VIT: variants seen among roughly 807,000 people sequenced by gnomAD.
The protein encoded by VIT is vitrin.
Under a neutral mutation model 78.0 loss-of-function variants are expected in VIT, and 99 were observed. That is an observed-to-expected ratio of 1.27 (90% CI 1.08 to 1.50). The LOEUF (loss-of-function observed/expected upper bound fraction) is 1.50. Ranked by LOEUF, VIT falls within the 40% of genes most tolerant of loss-of-function variation. The probability of loss-of-function intolerance (pLI) is 0.00; values close to 1 mark genes in which losing one functional copy is unlikely to be tolerated. For synonymous variants in VIT, 374 were observed against 334.3 expected (o/e 1.12, Z -1.29); for missense variants, 1,126 against 875.3 (o/e 1.29, Z -3.61).
Position 36,696,893 on chromosome 2 carries a change from G to T in VIT, c.-99G>T, listed in dbSNP as rs562812758. 5.9e-4 allele frequency: 89 copies of T among 152,042 alleles called. No individual in the cohort carries two copies. The highest frequency in any genetic ancestry group is 1.2e-3 in the Non-Finnish European group (80 of 68,010). 9.4% of individuals were successfully genotyped at this position (152,042 alleles called of 1,614,324 possible). Reference sequence around the variant, plus strand: ...GAATAATTTGGATGGGATTTGTGATGCAGGAAAGCCTAAGGGAAAAAGAAT... The same window carrying T: ...GAATAATTTGGATGGGATTTGTGATTCAGGAAAGCCTAAGGGAAAAAGAAT... On this transcript the variant is annotated 5_prime_UTR_variant, in exon 1 of 16. The change abolishes an upstream ATG in the 5' untranslated region. Coordinates refer to ENST00000379242, the MANE Select transcript of VIT (RefSeq NM_053276.4).
chr2:36,804,749 G>A (rs1666581869), intron 13 of VIT, among the ~76,000 whole-genome samples: 1 of 151,906 alleles, frequency 6.6e-6, no homozygotes, highest in South Asian at 2.1e-4. Context: ...AGAATCACTT[G>A]AACCTGGGAG....
rs115045752 is a variant in VIT, at chr2:36,794,520, C to T, written c.1059-6781C>T. On this transcript the variant is annotated intron_variant, in intron 12 of 15. Transcript: ENST00000379242. ...GACACATATACGCTGGTCCTGAGAC[C>T]TGCCACGGACTGCAGATTCATGATT... Among the ~76,000 whole-genome samples, 1,041 of 152,242 alleles carry T rather than the reference C, an allele frequency of 6.8e-3. 16 individuals are homozygous for T. Among genetic ancestry groups the T allele is most frequent in the African/African-American group, 0.024 (1,005 of 41,534 alleles).
rs148299297 is a variant in VIT, at chr2:36,710,084, C to T, written c.-18-6269C>T. Among the ~76,000 whole-genome samples the T allele has an allele frequency of 1.5e-3, 231 of 152,300 alleles. 1 individual carries two copies. The highest frequency in any genetic ancestry group is 4.8e-3 in the African/African-American group (199 of 41,572). On this transcript the variant is annotated intron_variant, in intron 1 of 15. Coordinates refer to ENST00000379242, the MANE Select transcript of VIT (RefSeq NM_053276.4). The stretch of plus-strand genomic sequence containing the variant: ...TATGTTAAGTCTTCCTAACAGACCA[C>T]ATATAATGAAGCTCTGCAGACTCTA...
intron 3 of VIT, among the ~76,000 whole-genome samples, chr2:36,739,821 G>A (rs1256126739): frequency 6.6e-6 from 1 of 152,162 alleles, no homozygotes; most frequent in East Asian, 1.9e-4. Context: ...CCACTCAAGA[G>A]GTCTGGGCTC....
intron 1 of VIT, among the ~76,000 whole-genome samples, chr2:36,699,490 A>G (rs960394527): frequency 3.4e-5 from 5 of 149,242 alleles, no homozygotes; most frequent in African/African-American, 1.2e-4. Context: ...ACATAATTAT[A>G]TTCTTCACAA....
chr2:36,704,871 A>C (rs548371516), intron 1 of VIT, among the ~76,000 whole-genome samples: 8 of 152,228 alleles, frequency 5.3e-5, no homozygotes, highest in African/African-American at 1.9e-4. Flanking sequence ...TCTCAGCTGG[A>C]AAGTTTTGCC....
At chr2:36,733,492 G>A (rs1016762527) in intron 3 of VIT, among the ~76,000 whole-genome samples, 2 of 152,206 alleles carry the variant, frequency 1.3e-5, no homozygotes, top group South Asian at 2.1e-4. Context: ...GTTAAGGAAG[G>A]TTGTGTTAGG....
At chr2:36,810,353 T>C (rs1372452365) in intron 15 of VIT, among the ~76,000 whole-genome samples, 1 of 152,254 alleles carries the variant, frequency 6.6e-6, no homozygotes, top group Non-Finnish European at 1.5e-5. Flanking sequence ...GGCAACAAAA[T>C]TTTAAAATAT....
intron 6 of VIT, among the ~76,000 whole-genome samples, chr2:36,765,644 A>G (rs1364992848): frequency 6.6e-6 from 1 of 152,150 alleles, no homozygotes; most frequent in East Asian, 1.9e-4. Flanking sequence ...AGGTCATATG[A>G]CGACGGAGCA....
chr2:36,798,691 A>G (rs1331507284), intron 12 of VIT, among the ~76,000 whole-genome samples: 1 of 152,206 alleles, frequency 6.6e-6, no homozygotes, highest in Admixed American at 6.5e-5. Context: ...CCCTGGAGGC[A>G]GAGGTTGCAG....
chr2:36,715,422 A>G (rs1405928634), intron 1 of VIT, among the ~76,000 whole-genome samples: 1 of 151,998 alleles, frequency 6.6e-6, no homozygotes, highest in Non-Finnish European at 1.5e-5. Context: ...CTGTAATCCC[A>G]GCTACTTGGG....
At chr2:36,777,529 A>C (rs1670147737) in intron 9 of VIT, among the ~76,000 whole-genome samples, 1 of 152,096 alleles carries the variant, frequency 6.6e-6, no homozygotes, top group African/African-American at 2.4e-5. Context: ...TCTAGTCCTC[A>C]ATACTCTGCT....
At chr2:36,715,838 G>A (rs1374432370) in intron 1 of VIT, among the ~76,000 whole-genome samples, 2 of 152,108 alleles carry the variant, frequency 1.3e-5, no homozygotes, top group Non-Finnish European at 2.9e-5. Context: ...ATGGTTATTT[G>A]TGTCCACTTA....
chr2:36,792,162 G>A (rs371110668), intron 12 of VIT, among the ~76,000 whole-genome samples: 1 of 152,116 alleles, frequency 6.6e-6, no homozygotes, highest in Non-Finnish European at 1.5e-5. Context: ...CCAGAGCTTG[G>A]TATTTTAATC....
intron 1 of VIT, among the ~76,000 whole-genome samples, chr2:36,708,921 G>A (rs569377753): frequency 7.9e-5 from 12 of 152,234 alleles, no homozygotes; most frequent in East Asian, 3.9e-4. Flanking sequence ...AGGCCAAGGC[G>A]GGCAGATCAC....
At chr2:36,708,196 C>CG (rs1336431542) in intron 1 of VIT, among the ~76,000 whole-genome samples, 6 of 150,374 alleles carry the variant, frequency 4.0e-5, no homozygotes, top group African/African-American at 1.5e-4. Context: ...GGAGGCTTTA[C>CG]GGTCAGGCAG....
intron 2 of VIT, among the ~76,000 whole-genome samples, chr2:36,719,575 G>A (rs562928709): frequency 9.7e-6 from 1 of 103,296 alleles, no homozygotes; most frequent in East Asian, 2.1e-4. Flanking sequence ...ATTTACGATA[G>A]TATCAAAAAA....
At chr2:36,716,878 T>C (rs920335602) in intron 2 of VIT, among the ~76,000 whole-genome samples, 1 of 141,468 alleles carries the variant, frequency 7.1e-6, no homozygotes, top group Non-Finnish European at 1.5e-5. Flanking sequence ...TCTTTTTTTT[T>C]TTTTTTTTTT....
chr2:36,759,479 A>G, intron 6 of VIT: 1 of 1,194,386 alleles, frequency 8.4e-7, no homozygotes, highest in East Asian at 5.5e-5. Context: ...CAAATAACCC[A>G]GGCCAAAAAT....
Sources: gnomAD v4.1 joint callset for allele counts (sites outside exome capture counted in the v4.1 genomes callset) on GRCh38, gnomAD v4.1.1 for gene constraint, MANE v1.5 for transcripts, NCBI Gene and HGNC (gene_info 2026-07-23, HGNC 2026-07-21) for gene names.